Variants in RALGAPA1 observed in about 807,000 individuals in gnomAD.
The protein encoded by RALGAPA1 is ral GTPase-activating protein subunit alpha-1.
Under a neutral mutation model 269.6 loss-of-function variants are expected in RALGAPA1, and 52 were observed. The observed-to-expected ratio is 0.19, with a 90% CI of 0.15 to 0.24. The LOEUF (loss-of-function observed/expected upper bound fraction) is 0.24, where lower values mean the gene tolerates loss of function less well. Ranked by LOEUF, RALGAPA1 falls within the 10% of genes least tolerant of loss-of-function variation. RALGAPA1 has a pLI of 1.00. For synonymous variants in RALGAPA1, 817 were observed against 1,008.3 expected, an observed-to-expected ratio of 0.81 and a Z score of 3.60; for missense variants, 1,917 against 3,013.9, an observed-to-expected ratio of 0.64 and a Z score of 8.52.
Position 35,654,266 on chromosome 14 carries a change from T to C in RALGAPA1, c.5607+101A>G, listed in dbSNP as rs1023113337. ...ATGATGGGTAGCCATTATTTAGCTA[T>C]GCAAAAAAATTTTAAAACTATTAAA... On this transcript the variant is annotated intron_variant, in intron 30 of 41. Transcript: ENST00000680220. 9 of 1,229,168 alleles carry C rather than the reference T, an allele frequency of 7.3e-6. No individual in the cohort carries two copies. In the Admixed American group the frequency reaches 3.1e-4, roughly 43 times the overall value. The allele number at this position is 1,229,168 out of a possible 1,614,324, so 76.1% of individuals were successfully genotyped here.
chr14:35,723,690 C>A (rs1420120848), intron 14 of RALGAPA1: 1 of 152,472 alleles, frequency 6.6e-6, no homozygotes, highest in African/African-American at 2.4e-5. Context: ...TATAAAGAAA[C>A]AACATACTAG....
At chr14:35,580,040 G>T (rs750430865) in intron 37 of RALGAPA1, among the ~76,000 whole-genome samples, 3 of 152,050 alleles carry the variant, frequency 2.0e-5, no homozygotes, top group South Asian at 2.1e-4. Flanking sequence ...GCACTACAAG[G>T]TTCATTTATT....
chr14:35,793,238 C>CTTTTTT (rs762905743), intron 1 of RALGAPA1, among the ~76,000 whole-genome samples: 1 of 141,056 alleles, frequency 7.1e-6, no homozygotes, highest in African/African-American at 2.6e-5. Flanking sequence ...CCAAAGTCTA[C>CTTTTTT]TTTTTTTTTT....
intron 36 of RALGAPA1, among the ~76,000 whole-genome samples, chr14:35,600,227 T>TTTTTC (rs559267367): frequency 0.093 from 11,980 of 129,492 alleles, 950 homozygotes; most frequent in East Asian, 0.29. Context: ...TCTTTTTCTT[T>TTTTTC]TTTTCTTTTT....
At chr14:35,783,987 G>A (rs913928285) in intron 1 of RALGAPA1, among the ~76,000 whole-genome samples, 1 of 152,092 alleles carries the variant, frequency 6.6e-6, no homozygotes, top group Non-Finnish European at 1.5e-5. Context: ...AGCCACTCTG[G>A]AAAACAGTGT....
intron 1 of RALGAPA1, among the ~76,000 whole-genome samples, chr14:35,783,592 T>C (rs1292785525): frequency 6.6e-6 from 1 of 152,088 alleles, no homozygotes; most frequent in Non-Finnish European, 1.5e-5. Context: ...ATTCAAAACC[T>C]TTTTGCTTCA....
chr14:35,732,437 A>C (rs775275283), intron 12 of RALGAPA1, among the ~76,000 whole-genome samples: 10 of 152,206 alleles, frequency 6.6e-5, no homozygotes, highest in Non-Finnish European at 1.2e-4. Context: ...AATGGTCTAA[A>C]TGCTCCACTT....
At chr14:35,567,084 T>C (rs1423624086) in intron 39 of RALGAPA1, among the ~76,000 whole-genome samples, 2 of 151,924 alleles carry the variant, frequency 1.3e-5, no homozygotes, top group Non-Finnish European at 2.9e-5. Context: ...ATTTGTTTGA[T>C]CTACCTGATT....
At chr14:35,771,095 A>G (rs2074576568) in intron 3 of RALGAPA1, 96 bp from the exon 4 acceptor site, 1 of 514,714 alleles carries the variant, frequency 1.9e-6, no homozygotes, top group Non-Finnish European at 3.5e-6. Context: ...CTCACTAAGT[A>G]TAACAAATAC....
intron 22 of RALGAPA1, among the ~76,000 whole-genome samples, chr14:35,675,558 T>A (rs886978481): frequency 6.6e-6 from 1 of 152,238 alleles, no homozygotes; most frequent in Non-Finnish European, 1.5e-5. Flanking sequence ...GGCAAGATTA[T>A]AAGAAACATA....
intron 21 of RALGAPA1, among the ~76,000 whole-genome samples, chr14:35,680,105 A>T (rs749127311): frequency 8.5e-5 from 13 of 152,242 alleles, no homozygotes; most frequent in Non-Finnish European, 1.6e-4. Flanking sequence ...CCAAAGAGAC[A>T]TCAGCCTTTG....
At chr14:35,751,348 G>T (rs188962835) in intron 8 of RALGAPA1, among the ~76,000 whole-genome samples, 263 of 152,298 alleles carry the variant, frequency 1.7e-3, no homozygotes, top group African/African-American at 5.5e-3. Flanking sequence ...ACCCCCATAT[G>T]GGGGGACCTT....
At chr14:35,581,176 A>G (rs1238168597) in intron 37 of RALGAPA1, among the ~76,000 whole-genome samples, 3 of 152,178 alleles carry the variant, frequency 2.0e-5, no homozygotes, top group African/African-American at 7.2e-5. Flanking sequence ...AAGTTTAAAC[A>G]TTTAACCTAT....
At chr14:35,623,721 T>A (rs1296164686) in intron 35 of RALGAPA1, among the ~76,000 whole-genome samples, 1 of 152,076 alleles carries the variant, frequency 6.6e-6, no homozygotes, top group Non-Finnish European at 1.5e-5. Context: ...CCTGGGACTC[T>A]ATCCTGCGGC....
intron 35 of RALGAPA1, 86 bp from the exon 36 acceptor site, chr14:35,605,795 G>A: frequency 7.0e-7 from 1 of 1,437,602 alleles, no homozygotes; most frequent in Non-Finnish European, 9.4e-7. Context: ...TACAAAGTAT[G>A]TAGCAATAAA....
rs746095490 is a variant in RALGAPA1, at chr14:35,548,575, A to G, written c.7622-37T>C. On this transcript the variant is annotated intron_variant, in intron 40 of 41. Transcript: ENST00000680220. ...AAATAAATGAAACAATCATAAGGAG[A>G]GCAAGATATTACAGAATAGGAAGGC... 3.5e-6 allele frequency: 5 copies of G among 1,427,262 alleles called. No individual in the cohort carries two copies. The East Asian group carries it at 7.1e-5, about 20-fold the overall frequency. 88.4% of individuals were successfully genotyped at this position (1,427,262 alleles called of 1,614,324 possible).
Position 35,681,267 on chromosome 14 carries a change from A to G in RALGAPA1, c.4471+2542T>C, listed in dbSNP as rs142143978. Among the ~76,000 whole-genome samples, 352 of 152,338 alleles carry G rather than the reference A, an allele frequency of 2.3e-3. 3 individuals are homozygous for G. The highest frequency in any genetic ancestry group is 6.8e-3 in the Admixed American group (104 of 15,306). On this transcript the variant is annotated intron_variant, in intron 21 of 41. Coordinates refer to ENST00000680220, the MANE Select transcript of RALGAPA1 (RefSeq NM_001346249.2). The stretch of plus-strand genomic sequence containing the variant: ...GTTGAATTTTGTGCCTTCTAAACAG[A>G]AACAAATACAACTGCCTTAGTTTCT...
intron 22 of RALGAPA1, among the ~76,000 whole-genome samples, chr14:35,675,476 G>A (rs1015260884): frequency 3.9e-5 from 6 of 152,094 alleles, no homozygotes; most frequent in Non-Finnish European, 7.4e-5. Context: ...GCACCCGACC[G>A]AAAAATAAAC....
chr14:35,669,156 A>T (rs1180933693), intron 26 of RALGAPA1, among the ~76,000 whole-genome samples: 1 of 152,238 alleles, frequency 6.6e-6, no homozygotes, highest in Non-Finnish European at 1.5e-5. Flanking sequence ...GAATCACCAA[A>T]TAATTTTAAC....
Sources: allele counts gnomAD v4.1 joint callset (sites outside exome capture counted in the v4.1 genomes callset), GRCh38; gene constraint gnomAD v4.1.1; transcripts MANE v1.5; gene names NCBI Gene and HGNC (gene_info 2026-07-23, HGNC 2026-07-21).